SLMAP: variants seen among roughly 807,000 people sequenced by gnomAD.
SLMAP encodes sarcolemma associated protein.
In SLMAP, 44 loss-of-function variants were observed where a neutral mutation model predicts 128.8. The ratio of observed to expected loss-of-function variants is 0.34; its 90% CI spans 0.27 to 0.44. The LOEUF (loss-of-function observed/expected upper bound fraction) is 0.44. SLMAP is among the 20% of genes least tolerant of loss of function. The pLI, the probability that SLMAP is intolerant of heterozygous loss-of-function variation, is 1.00. For synonymous variants in SLMAP, 327 were observed against 348.8 expected (o/e 0.94, Z 0.70); for missense variants, 787 against 985.3 (o/e 0.80, Z 2.69).
In SLMAP at chr3:57,890,077, T is replaced by C. The variant is rs547267872; in HGVS notation, c.1337T>C (p.Val446Ala). 9 of 1,614,002 alleles carry C rather than the reference T, an allele frequency of 5.6e-6. No homozygotes were observed. In the African/African-American group the frequency reaches 1.2e-4, roughly 22 times the overall value. The stretch of plus-strand genomic sequence containing the variant: ...GTCGAAGGGCATCTAACCAAAGCGG[T>C]AGAAGAAACAAAGCTTTCAAAAGGT... The part of the protein sequence containing the change: ...LIVEGHLTKA[V>A]EETKLSKENQ... Residue 446 changes from valine (V) to alanine (A), a missense_variant, in exon 15 of 25, where the codon GTA (valine) becomes GCA (alanine). This residue lies in a region of SLMAP where 715 missense variants were observed against 843.6 expected (regional missense o/e 0.85). Transcript: ENST00000671191.
At chr3:57,803,763 T>C (rs1313523253) in intron 2 of SLMAP, among the ~76,000 whole-genome samples, 2 of 152,338 alleles carry the variant, frequency 1.3e-5, no homozygotes, top group East Asian at 3.9e-4. Context: ...CTTGCTCTGC[T>C]GTGTTTTGAA....
At chr3:57,897,980 A>T (rs1034810800) in intron 17 of SLMAP, 2 of 152,214 alleles carry the variant, frequency 1.3e-5, no homozygotes, top group African/African-American at 4.8e-5. Context: ...TGGGTTTATT[A>T]AAAATGTTGG....
intron 2 of SLMAP, among the ~76,000 whole-genome samples, chr3:57,761,164 T>A (rs2078558848): frequency 1.3e-5 from 2 of 152,156 alleles, no homozygotes; most frequent in South Asian, 4.2e-4. Flanking sequence ...AGAGAGGGTG[T>A]TTAGTGGGGA....
At position 57,912,673 on chromosome 3, in the gene SLMAP, G is replaced by T. The variant is rs756239458; in HGVS notation, c.1992G>T (p.Gln664His). ...FQLRCQQCED[Q>H]QREEATRLQG... ...TTAGATGTCAACAGTGTGAGGACCAGCAGAGAGAAGAAGCAACAAGGTTGC... is the reference window on the plus strand; with the variant it reads ...TTAGATGTCAACAGTGTGAGGACCATCAGAGAGAAGAAGCAACAAGGTTGC... The change falls in exon 20 of 25, where the codon CAG (glutamine) becomes CAT (histidine). Residue 664 changes from glutamine to histidine, a missense_variant. Physicochemically the swap from Gln to His is conservative, Grantham distance 24 (BLOSUM62 0). Transcript: ENST00000671191. 1 of 1,612,322 alleles carries T rather than the reference G, an allele frequency of 6.2e-7. No homozygotes were observed. The highest frequency in any genetic ancestry group is 1.3e-5 in the African/African-American group (1 of 74,884).
chr3:57,779,587 A>G (rs923814551), intron 2 of SLMAP, among the ~76,000 whole-genome samples: 2 of 152,162 alleles, frequency 1.3e-5, no homozygotes, highest in African/African-American at 4.8e-5. Context: ...TGCTATAAAT[A>G]TAGTAATAGA....
chr3:57,783,583 A>G (rs1275950270), intron 2 of SLMAP, among the ~76,000 whole-genome samples: 4 of 152,236 alleles, frequency 2.6e-5, no homozygotes, highest in African/African-American at 9.6e-5. Context: ...ATTAAAAGAG[A>G]AACAGAAAGG....
intron 19 of SLMAP, 52 bp from the exon 20 acceptor site, chr3:57,912,329 G>T (rs1284398428): frequency 2.0e-6 from 3 of 1,501,888 alleles, no homozygotes; most frequent in Non-Finnish European, 2.8e-6. Flanking sequence ...ATCCTGTATG[G>T]ATTATTCTTT....
intron 2 of SLMAP, among the ~76,000 whole-genome samples, chr3:57,770,496 G>T (rs185100899): frequency 6.6e-6 from 1 of 152,330 alleles, no homozygotes; most frequent in East Asian, 1.9e-4. Flanking sequence ...GACAAAATTG[G>T]GGGGAAGAAA....
chr3:57,822,680 C>T (rs1469902357), intron 2 of SLMAP, among the ~76,000 whole-genome samples: 4 of 152,074 alleles, frequency 2.6e-5, no homozygotes, highest in Non-Finnish European at 4.4e-5. Context: ...CCCAGGTGGG[C>T]GTTTGGGACC....
intron 2 of SLMAP, among the ~76,000 whole-genome samples, chr3:57,810,621 T>C (rs557098431): frequency 1.6e-4 from 25 of 152,230 alleles, no homozygotes; most frequent in Admixed American, 5.9e-4. Context: ...TTTGGAATCA[T>C]TCTGGTAAGG....
chr3:57,909,083 GGAA>G lies in SLMAP; in HGVS notation c.1639_1641del (p.Glu547del). 1 of 1,606,470 alleles carries G rather than the reference GGAA, an allele frequency of 6.2e-7. No individual in the cohort carries two copies. The highest frequency in any genetic ancestry group is 8.5e-7 in the Non-Finnish European group (1 of 1,174,788). ...CTGTGTTTTTACTTTTAGCTCTTTT[GGAA>G]GAAGAAAGAAAAGCCTATCGAAATC... On this transcript the variant is annotated inframe_deletion, in exon 19 of 25. Transcript: ENST00000671191.
chr3:57,868,323 G>C (rs934879806), intron 13 of SLMAP, among the ~76,000 whole-genome samples: 3 of 151,972 alleles, frequency 2.0e-5, no homozygotes, highest in African/African-American at 7.3e-5. Flanking sequence ...GCTGGGCAAA[G>C]TAGCTTGCTC....
rs546229403 is a variant in SLMAP at position 57,856,069 on chromosome 3, T to C, written c.520-1664T>C. Among the ~76,000 whole-genome samples the C allele has an allele frequency of 2.8e-4, 42 of 151,380 alleles. 1 individual carries two copies. The highest frequency in any genetic ancestry group is 6.6e-4 in the Admixed American group (10 of 15,158). On this transcript the variant is annotated intron_variant, in intron 6 of 24. Transcript: ENST00000671191. ...GAAAAAGAAAAAAAAAAAAATTAACTGGGCATGGTGGTGTGTGTCTGCCTC... is the reference window on the plus strand; with the variant it reads ...GAAAAAGAAAAAAAAAAAAATTAACCGGGCATGGTGGTGTGTGTCTGCCTC...
intron 14 of SLMAP, among the ~76,000 whole-genome samples, chr3:57,872,935 G>T (rs1489258195): frequency 6.6e-6 from 1 of 152,046 alleles, no homozygotes; most frequent in Non-Finnish European, 1.5e-5. Flanking sequence ...TCATTTTGTG[G>T]ATATTCATGC....
At chr3:57,872,055 C>T (rs898301725) in intron 14 of SLMAP, among the ~76,000 whole-genome samples, 1 of 152,132 alleles carries the variant, frequency 6.6e-6, no homozygotes, top group African/African-American at 2.4e-5. Context: ...GTAGCAGGAG[C>T]TTTTTAGAGA....
rs888440311 is a variant in SLMAP, at chr3:57,929,262, A to G, written c.*1973A>G. On this transcript the variant is annotated 3_prime_UTR_variant, in exon 25 of 25. Transcript: ENST00000671191. ...CTCTTGACATGACTCTTTATGCAACATAACATACATTTGGTATTCTTCAGG... is the reference window on the plus strand; with the variant it reads ...CTCTTGACATGACTCTTTATGCAACGTAACATACATTTGGTATTCTTCAGG... The G allele has an allele frequency of 7.9e-5, 12 of 152,660 alleles. No homozygotes were observed. The highest frequency in any genetic ancestry group is 1.2e-4 in the Non-Finnish European group (8 of 68,024). The allele number at this position is 152,660 out of a possible 1,614,324, so 9.5% of individuals were successfully genotyped here. A position where few individuals can be genotyped will look rare whatever the true frequency, so the allele number is the denominator to read the frequency against.
intron 18 of SLMAP, 146 bp downstream of exon 18, chr3:57,908,152 T>A: frequency 1.5e-6 from 1 of 682,642 alleles, no homozygotes; most frequent in Non-Finnish European, 2.4e-6. Context: ...TTGACCTCTC[T>A]AAACTTGTGT....
intron 2 of SLMAP, among the ~76,000 whole-genome samples, chr3:57,790,505 A>G (rs2085232333): frequency 6.6e-6 from 1 of 152,050 alleles, no homozygotes; most frequent in Non-Finnish European, 1.5e-5. Context: ...TTTGCAGTAG[A>G]TATATATTTT....
intron 2 of SLMAP, among the ~76,000 whole-genome samples, chr3:57,771,207 C>T (rs1260635132): frequency 7.2e-6 from 1 of 138,830 alleles, no homozygotes; most frequent in African/African-American, 2.7e-5. Context: ...TCTTTCTCCT[C>T]CTCCTCCTCC....
Sources: gnomAD v4.1 joint callset for allele counts (sites outside exome capture counted in the v4.1 genomes callset) on GRCh38, gnomAD v4.1.1 for gene constraint, gnomAD v4.1.1 regional missense constraint, MANE v1.5 for transcripts, NCBI Gene and HGNC (gene_info 2026-07-23, HGNC 2026-07-21) for gene names.